Variants in NEB observed in about 807,000 individuals in gnomAD.
NEB encodes nemaline myopathy type 2.
A neutral mutation model predicts 952.2 loss-of-function variants in NEB; 512 were observed. That is an observed-to-expected ratio of 0.54 (90% CI 0.50 to 0.58). The LOEUF is 0.58. NEB is among the 20% of genes least tolerant of loss of function. The probability of loss-of-function intolerance (pLI) is 0.00; values close to 1 mark genes in which losing one functional copy is unlikely to be tolerated. For synonymous variants in NEB, 2,900 were observed against 3,149.8 expected (o/e 0.92, Z 2.66); for missense variants, 8,428 against 9,231.1 (o/e 0.91, Z 3.56).
Position 151,619,617 on chromosome 2 carries a change from T to C in NEB, c.10706A>G (p.Lys3569Arg), listed in dbSNP as rs371572709. ...GTCCACTGGGCTGCTGTACCTTGTCTTGTATTTCTCAAAATCTTTCTTGTA... is the reference window on the plus strand; with the variant it reads ...GTCCACTGGGCTGCTGTACCTTGTCCTGTATTTCTCAAAATCTTTCTTGTA... Reference protein sequence around the residue: ...REYKKDFEKYKTRYSSPVDML... With the variant: ...REYKKDFEKYRTRYSSPVDML... The change falls in exon 73 of 182, where the codon AAG becomes AGG. Residue 3569 changes from lysine (K) to arginine (R), a missense_variant. Lys to Arg is a conservative substitution (Grantham distance 26). Transcript: ENST00000397345. 2.5e-6 allele frequency: 4 copies of C among 1,613,978 alleles called. No homozygotes were observed. Among genetic ancestry groups the C allele is most frequent in the Middle Eastern group, 1.6e-4 (1 of 6,062 alleles).
In NEB at chr2:151,497,883, CTG is replaced by C. The variant is rs1409738755; in HGVS notation, c.24208-167_24208-166del. 2.0e-6 allele frequency: 3 copies of C among 1,496,922 alleles called. No individual in the cohort carries two copies. The Admixed American group carries it at 8.0e-5, about 40-fold the overall frequency. The allele number at this position is 1,496,922 out of a possible 1,614,324, so 92.7% of individuals were successfully genotyped here. ...GGAAGCTGTTGTTGGGATAGGGAAT[CTG>C]CACCCTCTAGAGAAGCAGGGACTTC... On this transcript the variant is annotated intron_variant, in intron 170 of 181. Transcript: ENST00000397345.
At chr2:151,498,855 G>A (rs2062220198) in intron 169 of NEB, among the ~76,000 whole-genome samples, 1 of 150,906 alleles carries the variant, frequency 6.6e-6, no homozygotes, top group African/African-American at 2.4e-5. Flanking sequence ...TGAGAACAAC[G>A]ATGTTTAAGG....
Position 151,687,649 on chromosome 2 carries a change from C to T in NEB, c.2500G>A (p.Ala834Thr). 1 of 1,612,200 alleles carries T rather than the reference C, an allele frequency of 6.2e-7. No homozygotes were observed. The highest frequency in any genetic ancestry group is 8.5e-7 in the Non-Finnish European group (1 of 1,178,846). ...VDAIPLLAAK[A>T]NTKNTSDVMY... ...ACATCGCTGGTGTTCTTGGTGTTGG[C>T]TTTGGCTGCCAACAGGGGAATGGCG... Residue 834 changes from alanine to threonine, a missense_variant, in exon 26 of 182, where the codon GCC becomes ACC. Ala to Thr is a moderately conservative substitution (Grantham distance 58). This residue lies in a region of NEB where 2,851 missense variants were observed against 2,791.5 expected (regional missense o/e 1.02). Transcript: ENST00000397345.
At chr2:151,620,190 C>A (rs1304226395) in intron 72 of NEB, among the ~76,000 whole-genome samples, 1 of 151,312 alleles carries the variant, frequency 6.6e-6, no homozygotes, top group Non-Finnish European at 1.5e-5. Flanking sequence ...TTAAAATGGA[C>A]AATTTCTGTT....
At chr2:151,527,087 A>C in intron 147 of NEB, 65 bp from the exon 148 acceptor site, 2 of 1,072,092 alleles carry the variant, frequency 1.9e-6, no homozygotes, top group East Asian at 2.6e-5. Flanking sequence ...TGGGCATTTG[A>C]TTAAACACAC....
rs1560452173 is a variant in NEB, at chr2:151,614,597, T to C, written c.11290-10A>G. On this transcript the variant is annotated splice_polypyrimidine_tract_variant and intron_variant, in intron 76 of 181. Coordinates refer to ENST00000397345, the MANE Select transcript of NEB (RefSeq NM_001164508.2). ...CTTCCTTGTACTTGTACTAAAAAAA[T>C]AGAGATATGAGTATAATGACAAGAA... 5 of 1,608,086 alleles carry C rather than the reference T, an allele frequency of 3.1e-6. No homozygotes were observed. Among genetic ancestry groups the C allele is most frequent in the Middle Eastern group, 1.7e-4 (1 of 6,032 alleles).
At chr2:151,675,421 A>G (rs2099351779) in intron 34 of NEB, 30 bp from the exon 35 acceptor site, 1 of 1,399,618 alleles carries the variant, frequency 7.1e-7, no homozygotes, top group African/African-American at 1.4e-5. Context: ...ACATAGTGCA[A>G]AAAGGAAAAT....
At chr2:151,559,105 A>G (rs11892352) in intron 124 of NEB, among the ~76,000 whole-genome samples, 3,794 of 72,634 alleles carry the variant, frequency 0.052, 62 homozygotes, top group African/African-American at 0.091. Flanking sequence ...AAAAAAACAA[A>G]CAACCCCATC....
intron 153 of NEB, 99 bp downstream of exon 153, chr2:151,524,212 C>A (rs1274937555): frequency 4.1e-5 from 41 of 1,005,628 alleles, no homozygotes; most frequent in Non-Finnish European, 5.9e-5. Flanking sequence ...ATTACAGACC[C>A]AGCATCCCTT....
intron 174 of NEB, 125 bp downstream of exon 174, chr2:151,494,036 T>C (rs2058512110): frequency 1.1e-6 from 1 of 950,410 alleles, no homozygotes; most frequent in African/African-American, 1.6e-5. Flanking sequence ...TAGTGTGATA[T>C]TTAGAGCAGA....
chr2:151,708,146 A>C (rs1485341603), intron 12 of NEB, among the ~76,000 whole-genome samples: 2 of 152,088 alleles, frequency 1.3e-5, no homozygotes, highest in Non-Finnish European at 2.9e-5. Context: ...ATTCTTCCCC[A>C]TTCCAACATC....
chr2:151,700,874 T>G (rs1456431914), intron 13 of NEB, among the ~76,000 whole-genome samples: 2 of 97,874 alleles, frequency 2.0e-5, no homozygotes, highest in African/African-American at 3.3e-5. Flanking sequence ...CCTGCCTAAT[T>G]GCCCTGGCCA....
In NEB at chr2:151,524,332, C is replaced by G; in HGVS notation, c.22458G>C (p.Lys7486Asn). ...TTACCTGGCTGCTCAGCTTGGCTGC[C>G]TTCTTGGCCATTTCTATGTCTGGGC... ...LGRPDIEMAK[K>N]AAKLSSQVKY... Residue 7486 changes from lysine to asparagine, a missense_variant, in exon 153 of 182, where the codon AAG becomes AAC. By Grantham distance (94) the Lys-to-Asn change is moderately conservative. Around this residue, in one of 11 missense-constraint regions of NEB, gnomAD observed 3,374 missense variants for 3,651.5 expected, o/e 0.92. Coordinates refer to ENST00000397345, the MANE Select transcript of NEB (RefSeq NM_001164508.2). 1 of 1,613,890 alleles carries G rather than the reference C, an allele frequency of 6.2e-7. No individual in the cohort carries two copies.
chr2:151,501,308 A>T (rs1464298460), intron 168 of NEB, 83 bp downstream of exon 168: 6 of 925,578 alleles, frequency 6.5e-6, no homozygotes, highest in Admixed American at 4.6e-5. Context: ...ATTGATTATT[A>T]TAAAGGGATG....
rs1223566359 is a variant in NEB, at chr2:151,677,639, T to C, written c.3700A>G (p.Thr1234Ala). 1 of 1,613,816 alleles carries C rather than the reference T, an allele frequency of 6.2e-7. No homozygotes were observed. Among genetic ancestry groups the C allele is most frequent in the East Asian group, 2.2e-5 (1 of 44,892 alleles). The change falls in exon 34 of 182, where the codon ACC becomes GCC. Residue 1234 changes from threonine (T) to alanine (A), a missense_variant. Transcript: ENST00000397345. ...NEKKYRQHPD[T>A]LKFTSIVDSP... is the part of the protein sequence containing the mutation. ...TCCACAATGCTGGTAAATTTGAGGG[T>C]GTCTGGATGTTGCCTGTACTTCTTT...
At position 151,485,673 on chromosome 2, in the gene NEB, G is replaced by A; in HGVS notation, c.*87C>T. 2 of 1,296,266 alleles carry A rather than the reference G, an allele frequency of 1.5e-6. No homozygotes were observed. The highest frequency in any genetic ancestry group is 2.1e-6 in the Non-Finnish European group (2 of 951,566). The allele number at this position is 1,296,266 out of a possible 1,614,324, so 80.3% of individuals were successfully genotyped here. On this transcript the variant is annotated 3_prime_UTR_variant, in exon 182 of 182. Transcript: ENST00000397345. ...CACAGAAAAACCATAGGCAGCTTGA[G>A]AACTTAGGTAACAGTGGAGAGTCTA...
intron 42 of NEB, 102 bp downstream of exon 42, chr2:151,665,231 G>C: frequency 1.8e-6 from 2 of 1,113,940 alleles, no homozygotes; most frequent in South Asian, 2.8e-5. Context: ...GCACGAAGAC[G>C]ATCAGAAAGA....
intron 72 of NEB, among the ~76,000 whole-genome samples, chr2:151,620,566 T>TG (rs939692685): frequency 6.6e-6 from 1 of 151,982 alleles, no homozygotes; most frequent in Non-Finnish European, 1.5e-5. Context: ...TTTCAAGTGA[T>TG]GGGGCAAACT....
At chr2:151,682,513 G>C (rs994203342) in intron 29 of NEB, 149 bp downstream of exon 29, 11 of 633,548 alleles carry the variant, frequency 1.7e-5, no homozygotes, top group African/African-American at 3.8e-5. Flanking sequence ...GTTTGTGCTG[G>C]TCTCCCTGGG....
Sources: gnomAD v4.1 joint callset for allele counts (sites outside exome capture counted in the v4.1 genomes callset) on GRCh38, gnomAD v4.1.1 for gene constraint, gnomAD v4.1.1 regional missense constraint, MANE v1.5 for transcripts, NCBI Gene and HGNC (gene_info 2026-07-23, HGNC 2026-07-21) for gene names.